Variants in TCF7L1 observed in about 807,000 individuals in gnomAD.
TCF7L1 encodes the protein transcription factor 7-like 1.
A neutral mutation model predicts 63.7 loss-of-function variants in TCF7L1; 18 were observed. That is an observed-to-expected ratio of 0.28 (90% CI 0.20 to 0.42). The LOEUF (loss-of-function observed/expected upper bound fraction) is 0.42. Among genes scored for constraint, TCF7L1 ranks in the 10% least tolerant of loss-of-function variants. TCF7L1 has a pLI of 1.00. For missense variants in TCF7L1, 654 were observed against 779.3 expected (o/e 0.84, Z 1.91); for synonymous variants, 355 against 340.9 (o/e 1.04, Z -0.46).
At chr2:85,163,075 C>T (rs945220835) in intron 3 of TCF7L1, among the ~76,000 whole-genome samples, 3 of 152,128 alleles carry the variant, frequency 2.0e-5, no homozygotes, top group Admixed American at 6.5e-5. Flanking sequence ...CCTCCAAGGT[C>T]GTAGGGTCCA....
chr2:85,282,854 C>CTGTTTGG (rs999809401), intron 3 of TCF7L1, among the ~76,000 whole-genome samples: 2 of 109,154 alleles, frequency 1.8e-5, no homozygotes, highest in African/African-American at 6.9e-5. Flanking sequence ...TGGGGAAGTA[C>CTGTTTGG]TGTTTGGTTT....
In TCF7L1 at chr2:85,150,751, T is replaced by C. The variant is rs369061850; in HGVS notation, c.441+16301T>C. On this transcript the variant is annotated intron_variant, in intron 3 of 11. Coordinates refer to ENST00000282111, the MANE Select transcript of TCF7L1 (RefSeq NM_031283.3). ...TTGGTTAAAATCATGTGTTCCAGCT[T>C]TCTCCAAGAAAGTTACTACTTTTCT... is the stretch of plus-strand genomic sequence containing the variant. Among the ~76,000 whole-genome samples, 140 of 152,326 alleles carry C rather than the reference T, an allele frequency of 9.2e-4. 5 individuals carry two copies. The South Asian group carries it at 0.028, about 31-fold the overall frequency.
At chr2:85,165,234 A>C (rs1350723701) in intron 3 of TCF7L1, among the ~76,000 whole-genome samples, 1 of 152,230 alleles carries the variant, frequency 6.6e-6, no homozygotes, top group Non-Finnish European at 1.5e-5. Flanking sequence ...ATTAATAGTT[A>C]AATTTACAGC....
intron 3 of TCF7L1, among the ~76,000 whole-genome samples, chr2:85,229,020 CAAAA>C (rs1182542916): frequency 1.4e-4 from 8 of 57,368 alleles, no homozygotes; most frequent in Admixed American, 2.2e-4. Context: ...GACTCTGTCT[CAAAA>C]AAAAAAAAAA....
At chr2:85,180,672 A>G (rs562570005) in intron 3 of TCF7L1, among the ~76,000 whole-genome samples, 1 of 152,292 alleles carries the variant, frequency 6.6e-6, no homozygotes, top group African/African-American at 2.4e-5. Context: ...TGAGGAAATA[A>G]CAACCACGAT....
chr2:85,151,980 C>T (rs1678027505), intron 3 of TCF7L1, among the ~76,000 whole-genome samples: 1 of 152,230 alleles, frequency 6.6e-6, no homozygotes, highest in Non-Finnish European at 1.5e-5. Flanking sequence ...ACCAATGAAG[C>T]TTAAAATATT....
intron 3 of TCF7L1, among the ~76,000 whole-genome samples, chr2:85,139,817 C>A (rs1034472199): frequency 6.6e-6 from 1 of 152,050 alleles, no homozygotes; most frequent in Non-Finnish European, 1.5e-5. Flanking sequence ...GAGAAGGGGC[C>A]AGGACATGGG....
chr2:85,152,682 A>G (rs949828491), intron 3 of TCF7L1, among the ~76,000 whole-genome samples: 2 of 131,632 alleles, frequency 1.5e-5, no homozygotes, highest in African/African-American at 6.6e-5. Context: ...TTATCTGCCC[A>G]TCTCGGCCTC....
chr2:85,208,101 T>A (rs148346112), intron 3 of TCF7L1, among the ~76,000 whole-genome samples: 5,591 of 151,986 alleles, frequency 0.037, 145 homozygotes, highest in Middle Eastern at 0.054. Flanking sequence ...AGAGACAGGG[T>A]TTCACCGTGT....
chr2:85,138,217 G>T (rs1677640702), intron 3 of TCF7L1, among the ~76,000 whole-genome samples: 1 of 152,200 alleles, frequency 6.6e-6, no homozygotes, highest in African/African-American at 2.4e-5. Context: ...TCTCAGGCTT[G>T]TGTATGAAAT....
At chr2:85,225,635 G>A (rs573289331) in intron 3 of TCF7L1, among the ~76,000 whole-genome samples, 7 of 152,342 alleles carry the variant, frequency 4.6e-5, no homozygotes, top group Admixed American at 2.0e-4. Flanking sequence ...TTTGTATCCT[G>A]AGACTTTGCT....
chr2:85,189,751 CATTCAGGGG>C (rs1435866083), intron 3 of TCF7L1, among the ~76,000 whole-genome samples: 1 of 152,218 alleles, frequency 6.6e-6, no homozygotes, highest in Non-Finnish European at 1.5e-5. Flanking sequence ...TGAAAGGGCC[CATTCAGGGG>C]CATTCATGCG....
At chr2:85,277,925 C>A (rs552725729) in intron 3 of TCF7L1, among the ~76,000 whole-genome samples, 1 of 152,108 alleles carries the variant, frequency 6.6e-6, no homozygotes, top group Admixed American at 6.5e-5. Context: ...AGGGTGAGGA[C>A]GGCTGGGGCG....
chr2:85,280,221 G>T (rs1487282732), intron 3 of TCF7L1, among the ~76,000 whole-genome samples: 1 of 152,090 alleles, frequency 6.6e-6, no homozygotes, highest in Non-Finnish European at 1.5e-5. Context: ...TATTTCTGAT[G>T]ATCTATATGG....
chr2:85,146,094 A>G (rs1677874028), intron 3 of TCF7L1, among the ~76,000 whole-genome samples: 1 of 152,204 alleles, frequency 6.6e-6, no homozygotes, highest in African/African-American at 2.4e-5. Flanking sequence ...ATTGTTGACA[A>G]CATGAATATT....
At chr2:85,283,451 G>T (rs766456239) in intron 3 of TCF7L1, 44 bp from the exon 4 acceptor site, 1 of 1,607,434 alleles carries the variant, frequency 6.2e-7, no homozygotes, top group Non-Finnish European at 8.5e-7. Flanking sequence ...TACTTGTGAG[G>T]CCTCATCTCA....
chr2:85,291,778 G>A (rs571762287), intron 4 of TCF7L1, among the ~76,000 whole-genome samples: 8 of 152,064 alleles, frequency 5.3e-5, no homozygotes, highest in Non-Finnish European at 1.0e-4. Flanking sequence ...GCAGTGGCAT[G>A]ATCATAGCTC....
intron 3 of TCF7L1, among the ~76,000 whole-genome samples, chr2:85,214,507 G>A (rs1361677308): frequency 6.6e-6 from 1 of 152,196 alleles, no homozygotes; most frequent in African/African-American, 2.4e-5. Flanking sequence ...CAAAAGACAT[G>A]TGTATTCAAA....
At chr2:85,141,230 C>T (rs1481005530) in intron 3 of TCF7L1, among the ~76,000 whole-genome samples, 1 of 152,138 alleles carries the variant, frequency 6.6e-6, no homozygotes, top group Non-Finnish European at 1.5e-5. Context: ...CAGTGAGACC[C>T]TGTCTCTAAG....
Sources: allele counts gnomAD v4.1 joint callset (sites outside exome capture counted in the v4.1 genomes callset), GRCh38; gene constraint gnomAD v4.1.1; transcripts MANE v1.5; gene names NCBI Gene and HGNC (gene_info 2026-07-23, HGNC 2026-07-21).